Variants in SLCO1A2 observed in about 807,000 individuals in gnomAD.
The protein encoded by SLCO1A2 is OATP-1.
SLCO1A2 carries 67 observed loss-of-function variants against 69.0 expected under a neutral mutation model. The ratio of observed to expected loss-of-function variants is 0.97; its 90% CI spans 0.80 to 1.19. The LOEUF (loss-of-function observed/expected upper bound fraction) is 1.19. SLCO1A2 is among the 50% of genes most tolerant of loss of function. SLCO1A2 has a pLI of 0.00. For synonymous variants in SLCO1A2, 260 were observed against 265.9 expected, an observed-to-expected ratio of 0.98 and a Z score of 0.22; for missense variants, 787 against 793.7, an observed-to-expected ratio of 0.99 and a Z score of 0.10.
intron 2 of SLCO1A2, chr12:21,373,819 T>A: frequency 1.7e-6 from 1 of 603,358 alleles, no homozygotes; most frequent in Non-Finnish European, 2.9e-6. Context: ...AAGTGGATTC[T>A]TTTTGTATAT....
Position 21,319,227 on chromosome 12 carries a change from T to G in SLCO1A2, c.61-304A>C, listed in dbSNP as rs560022769. The G allele has an allele frequency of 1.5e-4, 116 of 794,154 alleles. No homozygotes were observed. The African/African-American group carries it at 1.7e-3, about 12-fold the overall frequency. The allele number at this position is 794,154 out of a possible 1,614,324, so 49.2% of individuals were successfully genotyped here. ...ACATAGCTGATAACTTAAACATGTC[T>G]TCAGAGCTACAATGATATCTAAAGT... On this transcript the variant is annotated intron_variant, in intron 2 of 14. Coordinates refer to ENST00000683939, the MANE Select transcript of SLCO1A2 (RefSeq NM_001386879.1).
intron 12 of SLCO1A2, among the ~76,000 whole-genome samples, chr12:21,280,975 A>T (rs189605844): frequency 2.0e-4 from 30 of 152,326 alleles, no homozygotes; most frequent in African/African-American, 4.1e-4. Flanking sequence ...GAAATTGAGC[A>T]ATATGCTCCT....
chr12:21,319,558 G>C (rs1951335961), intron 2 of SLCO1A2: 2 of 998,096 alleles, frequency 2.0e-6, no homozygotes, highest in Admixed American at 4.4e-5. Flanking sequence ...GCCCAGGACA[G>C]AGTATTTTCA....
At chr12:21,287,945 G>A (rs1456101565) in intron 12 of SLCO1A2, among the ~76,000 whole-genome samples, 1 of 134,050 alleles carries the variant, frequency 7.5e-6, no homozygotes, top group East Asian at 2.2e-4. Flanking sequence ...GCACCAGCAT[G>A]GCACATGTAT....
chr12:21,373,980 G>C (rs1939997476), intron 2 of SLCO1A2, among the ~76,000 whole-genome samples: 1 of 152,168 alleles, frequency 6.6e-6, no homozygotes, highest in African/African-American at 2.4e-5. Context: ...GCCATTTGCT[G>C]TTGGGGGATT....
chr12:21,373,676 A>G (rs1477143533), intron 2 of SLCO1A2: 7 of 701,464 alleles, frequency 1.0e-5, no homozygotes, highest in Non-Finnish European at 1.8e-5. Context: ...GTCAAGAAAT[A>G]TACTCTTGGA....
At chr12:21,271,611 ATAT>A (rs920634936) in intron 14 of SLCO1A2, among the ~76,000 whole-genome samples, 52 of 149,238 alleles carry the variant, frequency 3.5e-4, no homozygotes, top group East Asian at 2.1e-3. Flanking sequence ...ATTTTTATAC[ATAT>A]TATGTTTTAA....
intron 14 of SLCO1A2, among the ~76,000 whole-genome samples, chr12:21,273,538 G>C (rs561828288): frequency 2.6e-5 from 4 of 152,268 alleles, no homozygotes; most frequent in Non-Finnish European, 4.4e-5. Context: ...ACAGAGAATG[G>C]AGCCAAGTCC....
At chr12:21,404,661 T>G (rs938216803) in intron 1 of SLCO1A2, among the ~76,000 whole-genome samples, 1 of 152,132 alleles carries the variant, frequency 6.6e-6, no homozygotes, top group Admixed American at 6.5e-5. Flanking sequence ...GTTGATTCCA[T>G]GTCTTTGCTA....
intron 12 of SLCO1A2, among the ~76,000 whole-genome samples, chr12:21,285,885 G>A (rs1041510532): frequency 1.3e-5 from 2 of 151,478 alleles, no homozygotes; most frequent in African/African-American, 2.4e-5. Context: ...GTCTATGACA[G>A]ACCCACAGCC....
At chr12:21,303,721 C>CTACATGGA (rs1949006899) in intron 6 of SLCO1A2, among the ~76,000 whole-genome samples, 1 of 152,020 alleles carries the variant, frequency 6.6e-6, no homozygotes, top group Non-Finnish European at 1.5e-5. Flanking sequence ...TCCAGGTGAC[C>CTACATGGA]TACATGGATT....
In SLCO1A2 at chr12:21,295,735, T is replaced by C; in HGVS notation, c.1133A>G (p.Lys378Arg). The change falls in exon 10 of 15, where the codon AAG (lysine) becomes AGG (arginine). Residue 378 changes from lysine to arginine, a missense_variant. Coordinates refer to ENST00000683939, the MANE Select transcript of SLCO1A2 (RefSeq NM_001386879.1). ...TTGTTTGACAGTAATCTTGAACTTC[T>C]TCATAATTAAACCACCAATTATATA... is the stretch of plus-strand genomic sequence containing the variant. ...IGYIIGGLIM[K>R]KFKITVKQAA... 1 of 1,605,384 alleles carries C rather than the reference T, an allele frequency of 6.2e-7. No homozygotes were observed.
chr12:21,353,347 G>A (rs752004673), intron 2 of SLCO1A2, among the ~76,000 whole-genome samples: 13 of 151,922 alleles, frequency 8.6e-5, no homozygotes, highest in Non-Finnish European at 1.6e-4. Context: ...GAGTTTCAAA[G>A]AGCTAAAGAT....
At chr12:21,414,589 T>C (rs1373502616) in intron 1 of SLCO1A2, among the ~76,000 whole-genome samples, 1 of 152,182 alleles carries the variant, frequency 6.6e-6, no homozygotes, top group African/African-American at 2.4e-5. Flanking sequence ...TGATCAGCTT[T>C]TGTAAATGTC....
At chr12:21,310,464 C>A (rs557416429) in intron 4 of SLCO1A2, among the ~76,000 whole-genome samples, 2 of 152,356 alleles carry the variant, frequency 1.3e-5, no homozygotes, top group East Asian at 3.9e-4. Context: ...CTGATGGCTG[C>A]TGGCTGATCA....
chr12:21,311,299 T>A (rs1036974343), intron 4 of SLCO1A2, among the ~76,000 whole-genome samples: 9 of 152,190 alleles, frequency 5.9e-5, no homozygotes, highest in African/African-American at 2.2e-4. Flanking sequence ...AGTCAACTTT[T>A]CAAAATTCCT....
At chr12:21,279,249 G>A (rs558897978) in intron 12 of SLCO1A2, among the ~76,000 whole-genome samples, 89 of 152,126 alleles carry the variant, frequency 5.9e-4, no homozygotes, top group Non-Finnish European at 9.3e-4. Context: ...AGAGCTATTT[G>A]CCTTAAAGAA....
intron 1 of SLCO1A2, among the ~76,000 whole-genome samples, chr12:21,401,253 G>T (rs958934349): frequency 2.6e-5 from 4 of 151,666 alleles, no homozygotes; most frequent in African/African-American, 9.7e-5. Context: ...ATTAATAAAA[G>T]AATTTGATAC....
At chr12:21,418,455 T>A (rs1301976544), upstream of SLCO1A2, among the ~76,000 whole-genome samples, 1 of 152,056 alleles carries the variant, frequency 6.6e-6, no homozygotes, top group Non-Finnish European at 1.5e-5. Flanking sequence ...CTGGGTAGGT[T>A]ATAAAGAAAA....
Sources: gnomAD v4.1 joint callset for allele counts (sites outside exome capture counted in the v4.1 genomes callset) on GRCh38, gnomAD v4.1.1 for gene constraint, MANE v1.5 for transcripts, NCBI Gene and HGNC (gene_info 2026-07-23, HGNC 2026-07-21) for gene names.